LPAR6: variants seen among roughly 807,000 people sequenced by gnomAD.
LPAR6 encodes the protein lysophosphatidic acid receptor 6, also known as G-protein coupled purinergic receptor P2Y5.
A neutral mutation model predicts 22.0 loss-of-function variants in LPAR6; 17 were observed. That is an observed-to-expected ratio of 0.77 (90% confidence interval 0.53 to 1.16). The LOEUF (loss-of-function observed/expected upper bound fraction) is 1.16, where lower values mean the gene tolerates loss of function less well. LPAR6 is among the 50% of genes most tolerant of loss of function. The probability of loss-of-function intolerance (pLI) is 0.00; values close to 1 mark genes in which losing one functional copy is unlikely to be tolerated. For synonymous variants in LPAR6, 136 were observed against 139.8 expected (o/e 0.97, Z 0.19); for missense variants, 384 against 406.9 (o/e 0.94, Z 0.48).
downstream of LPAR6, among the ~76,000 whole-genome samples, chr13:48,407,322 T>C (rs568988839): frequency 2.6e-5 from 4 of 152,312 alleles, no homozygotes; most frequent in African/African-American, 9.6e-5. Context: ...TTCTACCCTT[T>C]TAAGAGGTTA....
intron 1 of LPAR6, among the ~76,000 whole-genome samples, chr13:48,397,972 T>A (rs989910101): frequency 6.6e-6 from 1 of 152,212 alleles, no homozygotes; most frequent in Non-Finnish European, 1.5e-5. Context: ...ATTATTTGTT[T>A]TAAGTTATAT....
At chr13:48,419,909 C>T (rs7982457) in intron 2 of LPAR6, among the ~76,000 whole-genome samples, 2 of 151,972 alleles carry the variant, frequency 1.3e-5, no homozygotes, top group African/African-American at 4.8e-5. Context: ...GCGTACCAAC[C>T]AAAAAAATCC....
intron 1 of LPAR6, among the ~76,000 whole-genome samples, chr13:48,398,152 TA>T (rs1244619776): frequency 6.6e-6 from 1 of 152,198 alleles, no homozygotes. Flanking sequence ...GCTATATTTT[TA>T]AAAGCTTCTC....
rs200951171 is a variant in LPAR6, at chr13:48,396,888, GA to G, written n.115-7077del. On this transcript the variant is annotated intron_variant and non_coding_transcript_variant, in intron 1 of 1. Coordinates refer to the LPAR6 transcript ENST00000462781. ...ATATTTATGTGGCCAACAAACATAT[GA>G]AAAAAAGCTCATCACCACTGGTCAT... Among the ~76,000 whole-genome samples the G allele has an allele frequency of 9.8e-3, 1,485 of 152,180 alleles. 26 individuals carry two copies. Among genetic ancestry groups the G allele is most frequent in the African/African-American group, 0.034 (1,424 of 41,516 alleles).
chr13:48,433,621 A>T (rs8002958), intron 1 of LPAR6, among the ~76,000 whole-genome samples: 1 of 152,098 alleles, frequency 6.6e-6, no homozygotes, highest in Non-Finnish European at 1.5e-5. Context: ...TGACAAAAGC[A>T]TAATTGTTTC....
At chr13:48,417,598 A>G (rs1367564817), upstream of LPAR6, among the ~76,000 whole-genome samples, 1 of 152,196 alleles carries the variant, frequency 6.6e-6, no homozygotes, top group African/African-American at 2.4e-5. Context: ...AAGCCAAAGG[A>G]CCATGTTCTA....
chr13:48,408,315 A>C (rs892517012), downstream of LPAR6, among the ~76,000 whole-genome samples: 1 of 151,924 alleles, frequency 6.6e-6, no homozygotes, highest in African/African-American at 2.4e-5. Context: ...GGTACTTGAT[A>C]TTTTCTCAGT....
chr13:48,436,881 T>TA (rs1413685756), intron 1 of LPAR6, among the ~76,000 whole-genome samples: 2 of 152,176 alleles, frequency 1.3e-5, no homozygotes, highest in African/African-American at 4.8e-5. Context: ...TAATATTCCT[T>TA]AAAATACCCA....
intron 1 of LPAR6, among the ~76,000 whole-genome samples, chr13:48,403,052 A>G (rs1948707567): frequency 6.6e-6 from 1 of 152,104 alleles, no homozygotes; most frequent in Non-Finnish European, 1.5e-5. Flanking sequence ...AGCTAACAAT[A>G]ATTGGTAAAA....
intron 1 of LPAR6, among the ~76,000 whole-genome samples, chr13:48,399,990 C>T (rs1948678335): frequency 6.6e-6 from 1 of 151,956 alleles, no homozygotes; most frequent in Admixed American, 6.6e-5. Context: ...TCTCTTTGTT[C>T]ATTAATTGGC....
chr13:48,424,252 C>T (rs1167760860), intron 1 of LPAR6: 1 of 152,164 alleles, frequency 6.6e-6, no homozygotes, highest in Non-Finnish European at 1.5e-5. Context: ...AAATTCTAGA[C>T]TAGTATTACC....
At chr13:48,396,747 A>G (rs1948651863) in intron 1 of LPAR6, among the ~76,000 whole-genome samples, 1 of 152,250 alleles carries the variant, frequency 6.6e-6, no homozygotes, top group African/African-American at 2.4e-5. Flanking sequence ...CAATGTATCC[A>G]TCTGACAAAG....
At chr13:48,391,147 A>C (rs530356525) in intron 1 of LPAR6, among the ~76,000 whole-genome samples, 41 of 152,256 alleles carry the variant, frequency 2.7e-4, no homozygotes, top group Non-Finnish European at 4.3e-4. Flanking sequence ...TTTGATTTAT[A>C]ATATGAATCT....
intron 1 of LPAR6, among the ~76,000 whole-genome samples, chr13:48,433,532 A>G (rs926194979): frequency 2.6e-5 from 4 of 152,288 alleles, no homozygotes; most frequent in Admixed American, 6.5e-5. Context: ...CTGCCACTAA[A>G]TAAGTCTTAA....
intron 1 of LPAR6, among the ~76,000 whole-genome samples, chr13:48,433,602 C>T (rs1320484853): frequency 6.6e-6 from 1 of 151,622 alleles, no homozygotes; most frequent in African/African-American, 2.4e-5. Context: ...TAACTTACAC[C>T]AAATATTATG....
chr13:48,406,376 A>G (rs796687113), downstream of LPAR6, among the ~76,000 whole-genome samples: 2 of 152,338 alleles, frequency 1.3e-5, no homozygotes, highest in African/African-American at 4.8e-5. Context: ...ACCATCATTT[A>G]AAAAAGAATT....
intron 1 of LPAR6, among the ~76,000 whole-genome samples, chr13:48,397,435 C>T (rs1948657184): frequency 6.6e-6 from 1 of 152,050 alleles, no homozygotes; most frequent in African/African-American, 2.4e-5. Context: ...TAAGTTAAAA[C>T]TGAACAGTGA....
chr13:48,409,571 T>A (rs1430006090), downstream of LPAR6, among the ~76,000 whole-genome samples: 2 of 4,396 alleles, frequency 4.5e-4, no homozygotes, highest in South Asian at 0.021. Context: ...AACTGCTTGA[T>A]TTTTTTTTTT....
At chr13:48,392,728 G>A (rs1465119744) in intron 1 of LPAR6, among the ~76,000 whole-genome samples, 1 of 138,674 alleles carries the variant, frequency 7.2e-6, no homozygotes, top group East Asian at 2.2e-4. Flanking sequence ...GTCTTTTTAG[G>A]TCTGTTTCTC....
Sources: gnomAD v4.1 joint callset for allele counts (sites outside exome capture counted in the v4.1 genomes callset) on GRCh38, gnomAD v4.1.1 for gene constraint, MANE v1.5 for transcripts, NCBI Gene and HGNC (gene_info 2026-07-23, HGNC 2026-07-21) for gene names.